PLXND1: variants seen among roughly 807,000 people sequenced by gnomAD.
PLXND1 encodes the protein plexin D1.
PLXND1 carries 54 observed loss-of-function variants against 197.7 expected under a neutral mutation model. That is an observed-to-expected ratio of 0.27 (90% CI 0.22 to 0.34). The LOEUF is 0.34. Ranked by LOEUF, PLXND1 falls within the 10% of genes least tolerant of loss-of-function variation. The pLI, the probability that PLXND1 is intolerant of heterozygous loss-of-function variation, is 1.00. For synonymous variants in PLXND1, 1,180 were observed against 1,161.2 expected, an observed-to-expected ratio of 1.02 and a Z score of -0.33; for missense variants, 2,127 against 2,699.2, an observed-to-expected ratio of 0.79 and a Z score of 4.70.
Position 129,578,404 on chromosome 3 carries a change from G to A in PLXND1, c.2271C>T (p.Leu757=), listed in dbSNP as rs567826716. ...TSPQDCPRTL[L]SPLAPVPTGG... ...CCGTAGGCACGGGTGCCAGGGGTGAGAGCAGGGTCCGGGGGCAGTCCTGAG... is the reference window on the plus strand; with the variant it reads ...CCGTAGGCACGGGTGCCAGGGGTGAAAGCAGGGTCCGGGGGCAGTCCTGAG... Residue 757 remains leucine (L), a synonymous_variant, in exon 9 of 36, where the codon CTC becomes CTT. Transcript: ENST00000324093. 5 of 1,602,808 alleles carry A rather than the reference G, an allele frequency of 3.1e-6. No homozygotes were observed. Among genetic ancestry groups the A allele is most frequent in the East Asian group, 2.2e-5 (1 of 44,486 alleles).
At chr3:129,593,733 T>C (rs2085579883) in intron 1 of PLXND1, among the ~76,000 whole-genome samples, 1 of 152,222 alleles carries the variant, frequency 6.6e-6, no homozygotes, top group Non-Finnish European at 1.5e-5. Flanking sequence ...GTATGCCTAC[T>C]CTGCGTGTGG....
rs549821872 is a variant in PLXND1 at position 129,586,391 on chromosome 3, A to G, written c.1621-119T>C. On this transcript the variant is annotated intron_variant, in intron 3 of 35. Coordinates refer to ENST00000324093, the MANE Select transcript of PLXND1 (RefSeq NM_015103.3). ...GGGGAAACTGAGGGTCAACACTCTA[A>G]TGGGGGAACATGGGAGACAAGGCTT... 1.6e-4 allele frequency: 160 copies of G among 1,000,772 alleles called. No individual in the cohort carries two copies. The African/African-American group carries it at 2.3e-3, about 14-fold the overall frequency. 62.0% of individuals were successfully genotyped at this position (1,000,772 alleles called of 1,614,324 possible). A position where few individuals can be genotyped will look rare whatever the true frequency, so the allele number is the denominator to read the frequency against.
At position 129,584,183 on chromosome 3, in the gene PLXND1, T is replaced by C. The variant is rs1279060683; in HGVS notation, c.2080A>G (p.Lys694Glu). ...CAGTCGTAGATGGTGAAATTGGCCTTGACGATGTTCCGCCCATTGACCCTC... is the reference window on the plus strand; with the variant it reads ...CAGTCGTAGATGGTGAAATTGGCCTCGACGATGTTCCGCCCATTGACCCTC... ...SVRVNGRNIV[K>E]ANFTIYDCSR... Residue 694 changes from lysine (K) to glutamate (E), a missense_variant, in exon 7 of 36, where the codon AAG becomes GAG. Physicochemically the swap from Lys to Glu is moderately conservative, Grantham distance 56 (BLOSUM62 1). This residue lies in a region of PLXND1 where 1,095 missense variants were observed against 1,259.8 expected (regional missense o/e 0.87). Coordinates refer to ENST00000324093, the MANE Select transcript of PLXND1 (RefSeq NM_015103.3). 6.3e-7 allele frequency: 1 copy of C among 1,583,824 alleles called. No homozygotes were observed.
Position 129,575,873 on chromosome 3 carries a change from T to C in PLXND1, c.2347-18A>G, listed in dbSNP as rs759380136. On this transcript the variant is annotated intron_variant, in intron 9 of 35. Coordinates refer to ENST00000324093, the MANE Select transcript of PLXND1 (RefSeq NM_015103.3). The stretch of plus-strand genomic sequence containing the variant: ...GCTGCACCCTGTGGGAAACAGGGAG[T>C]GGGAGGCGGGTTTGAGGAGAACCAA... The C allele has an allele frequency of 8.8e-5, 135 of 1,541,466 alleles. No individual in the cohort carries two copies. The highest frequency in any genetic ancestry group is 1.2e-4 in the Non-Finnish European group (129 of 1,116,112).
At position 129,585,972 on chromosome 3, in the gene PLXND1, C is replaced by T. The variant is rs373770425; in HGVS notation, c.1831G>A (p.Asp611Asn). 2.5e-5 allele frequency: 40 copies of T among 1,613,960 alleles called. No individual in the cohort carries two copies. The Middle Eastern group carries it at 8.2e-4, about 33-fold the overall frequency. The change falls in exon 5 of 36, where the codon GAT becomes AAT. Residue 611 changes from aspartate (D) to asparagine (N), a missense_variant. By Grantham distance (23) the Asp-to-Asn change is conservative. This residue lies in a region of PLXND1 where 1,095 missense variants were observed against 1,259.8 expected (regional missense o/e 0.87). Coordinates refer to ENST00000324093, the MANE Select transcript of PLXND1 (RefSeq NM_015103.3). The part of the protein sequence containing the change: ...PAMTVLPSEI[D>N]VRQEYPGMIL... ...CTCACTGGGTACTCCTGGCGCACATCGATCTCGGAAGGCAGGACGGTCATG... is the reference window on the plus strand; with the variant it reads ...CTCACTGGGTACTCCTGGCGCACATTGATCTCGGAAGGCAGGACGGTCATG...
chr3:129,583,567 C>A lies in PLXND1; in HGVS notation c.2241G>T (p.Thr747=). 1 of 1,609,404 alleles carries A rather than the reference C, an allele frequency of 6.2e-7. No individual in the cohort carries two copies. The highest frequency in any genetic ancestry group is 2.2e-5 in the East Asian group (1 of 44,798). The change falls in exon 8 of 36, where the codon ACG becomes ACT. Residue 747 remains threonine, a splice_region_variant and synonymous_variant. Transcript: ENST00000324093. Reference sequence around the variant, plus strand: ...GGAGGGGCCCCCTAGCCTGGCTTACCGTGGGGTTTGGTGAGGCCTCGCACC... The same window carrying A: ...GGAGGGGCCCCCTAGCCTGGCTTACAGTGGGGTTTGGTGAGGCCTCGCACC... ...QSRCEASPNP[T]SPQDCPRTLL...
In PLXND1 at chr3:129,605,387, AC is replaced by A; in HGVS notation, c.1252del (p.Val418CysfsTer43). 6.7e-7 allele frequency: 1 copy of A among 1,501,462 alleles called. No individual in the cohort carries two copies. Among genetic ancestry groups the A allele is most frequent in the Non-Finnish European group, 8.8e-7 (1 of 1,133,286 alleles). The allele number at this position is 1,501,462 out of a possible 1,614,324, so 93.0% of individuals were successfully genotyped here. On this transcript the variant is annotated frameshift_variant, in exon 1 of 36. Coordinates refer to ENST00000324093, the MANE Select transcript of PLXND1 (RefSeq NM_015103.3). LOFTEE classifies it high-confidence loss of function. ...CGTGCCCTGCACCACGCTGTCGAGC[AC>A]CGCCACCACGTCGGGCGCCGGTTCC... ...FVEPAPDVVA[V>X]LDSVVQGTGP...
chr3:129,599,964 G>A (rs1338003242), intron 1 of PLXND1, among the ~76,000 whole-genome samples: 2 of 152,198 alleles, frequency 1.3e-5, no homozygotes, highest in Admixed American at 6.5e-5. Flanking sequence ...TGATGATGAC[G>A]CACTGTCTGC....
chr3:129,559,208 C>G (rs1040756600), intron 32 of PLXND1: 2 of 162,996 alleles, frequency 1.2e-5, no homozygotes, highest in African/African-American at 4.8e-5. Flanking sequence ...AGGAGGGCTA[C>G]CAACTGGGTA....
At chr3:129,563,837 C>A (rs2085098778) in intron 25 of PLXND1, among the ~76,000 whole-genome samples, 1 of 152,226 alleles carries the variant, frequency 6.6e-6, no homozygotes. Flanking sequence ...CCAGGTGTTC[C>A]ACTGGGATAG....
chr3:129,574,472 GCA>G lies in PLXND1; in HGVS notation c.2547_2548del (p.Ala850HisfsTer23), dbSNP rs757391005. On this transcript the variant is annotated frameshift_variant, in exon 12 of 36. Coordinates refer to ENST00000324093, the MANE Select transcript of PLXND1 (RefSeq NM_015103.3). LOFTEE classifies it high-confidence loss of function. Reference sequence around the variant, plus strand: ...CTGGGAACAGTCGGGGCTGCCCATGGCACAGTTATAGACCATGACTGGGGAGA... The same window carrying G: ...CTGGGAACAGTCGGGGCTGCCCATGGCAGTTATAGACCATGACTGGGGAGA... 2.5e-6 allele frequency: 4 copies of G among 1,613,040 alleles called. No homozygotes were observed. The highest frequency in any genetic ancestry group is 3.4e-6 in the Non-Finnish European group (4 of 1,179,894).
Position 129,565,912 on chromosome 3 carries a change from G to T in PLXND1, c.4297C>A (p.Gln1433Lys), listed in dbSNP as rs781691430. The part of the protein sequence containing the change: ...LIVFVHALEQ[Q>K]KDFAVRDRCS... ...CTGTCGCGCACCGCAAAGTCCTTCT[G>T]CTGCTCCAGCGCGTGGACAAAGACG... The change falls in exon 24 of 36, where the codon CAG (glutamine) becomes AAG (lysine). Residue 1433 changes from glutamine to lysine, a missense_variant. Around this residue, in one of 6 missense-constraint regions of PLXND1, gnomAD observed 532 missense variants for 811.0 expected, o/e 0.66. Transcript: ENST00000324093. 3 of 1,614,174 alleles carry T rather than the reference G, an allele frequency of 1.9e-6. No individual in the cohort carries two copies. Among genetic ancestry groups the T allele is most frequent in the Non-Finnish European group, 2.5e-6 (3 of 1,180,008 alleles).
At chr3:129,574,237 A>T in intron 12 of PLXND1, 99 bp downstream of exon 12, 1 of 1,099,634 alleles carries the variant, frequency 9.1e-7, no homozygotes, top group Non-Finnish European at 1.3e-6. Context: ...GTGTCGGTGT[A>T]TGTGCCGTTT....
intron 34 of PLXND1, 40 bp from the exon 35 acceptor site, chr3:129,556,731 T>C: frequency 2.0e-6 from 3 of 1,466,510 alleles, no homozygotes; most frequent in Non-Finnish European, 2.8e-6. Context: ...AGCCCAGCGG[T>C]CAAAGCTGAG....
intron 1 of PLXND1, 101 bp downstream of exon 1, chr3:129,605,228 C>G (rs1419658265): frequency 1.9e-6 from 1 of 528,438 alleles, no homozygotes; most frequent in East Asian, 4.4e-5. Flanking sequence ...CGCGCTCCCA[C>G]CTGTGACCCA....
At position 129,555,672 on chromosome 3, in the gene PLXND1, C is replaced by G. The variant is rs987971449; in HGVS notation, c.*640G>C. The G allele has an allele frequency of 2.0e-5, 11 of 544,116 alleles. No homozygotes were observed. Among genetic ancestry groups the G allele is most frequent in the African/African-American group, 2.0e-5 (1 of 50,400 alleles). The allele number at this position is 544,116 out of a possible 1,614,324, so 33.7% of individuals were successfully genotyped here. ...CGGGGCTCCCAGCTCCTGTGCCCCCCATCCCTCCCCTCCACCCTCCCTGCT... is the reference window on the plus strand; with the variant it reads ...CGGGGCTCCCAGCTCCTGTGCCCCCGATCCCTCCCCTCCACCCTCCCTGCT... On this transcript the variant is annotated 3_prime_UTR_variant, in exon 36 of 36. Coordinates refer to ENST00000324093, the MANE Select transcript of PLXND1 (RefSeq NM_015103.3).
At chr3:129,589,563 G>A (rs947380246) in intron 1 of PLXND1, 36 bp from the exon 2 acceptor site, 36 of 1,515,602 alleles carry the variant, frequency 2.4e-5, no homozygotes, top group Non-Finnish European at 3.0e-5. Flanking sequence ...CCCAGCTCCA[G>A]AACCTTCTCC....
rs780597839 is a variant in PLXND1, at chr3:129,569,870, T to C, written c.3838A>G (p.Ser1280Gly). The C allele has an allele frequency of 1.9e-6, 3 of 1,610,656 alleles. No homozygotes were observed. The highest frequency in any genetic ancestry group is 2.5e-6 in the Non-Finnish European group (3 of 1,176,954). ...ACCACGGAGAGCAGCAGCAGGACGCTGCAGATGACGATGGACACGATGATG... is the reference window on the plus strand; with the variant it reads ...ACCACGGAGAGCAGCAGCAGGACGCCGCAGATGACGATGGACACGATGATG... Reference protein sequence around the residue: ...TAIIVSIVICSVLLLLSVVAL... With the variant: ...TAIIVSIVICGVLLLLSVVAL... The change falls in exon 20 of 36, where the codon AGC becomes GGC. Residue 1280 changes from serine to glycine, a missense_variant. Ser to Gly is a moderately conservative substitution (Grantham distance 56). Around this residue, in one of 6 missense-constraint regions of PLXND1, gnomAD observed 532 missense variants for 811.0 expected, o/e 0.66. Transcript: ENST00000324093.
chr3:129,598,044 T>A (rs532062876), intron 1 of PLXND1, among the ~76,000 whole-genome samples: 48 of 152,172 alleles, frequency 3.2e-4, no homozygotes, highest in African/African-American at 9.9e-4. Flanking sequence ...CGGAACCAGA[T>A]CAGCCATGTC....
Sources: allele counts gnomAD v4.1 joint callset (sites outside exome capture counted in the v4.1 genomes callset), GRCh38; gene constraint gnomAD v4.1.1; regional missense constraint gnomAD v4.1.1; transcripts MANE v1.5; gene names NCBI Gene and HGNC (gene_info 2026-07-23, HGNC 2026-07-21).